The following CTIF variants were observed in gnomAD, a reference collection of about 807,000 sequenced individuals.
CTIF encodes CBP80/20-dependent translation initiation factor.
A neutral mutation model predicts 66.0 loss-of-function variants in CTIF; 21 were observed. The observed-to-expected ratio is 0.32, with a 90% confidence interval of 0.23 to 0.46. CTIF has a LOEUF of 0.46. Ranked by LOEUF, CTIF falls within the 20% of genes least tolerant of loss-of-function variation. The pLI is 1.00. For missense variants in CTIF, 739 were observed against 812.7 expected (o/e 0.91, Z 1.10); for synonymous variants, 345 against 326.4 (o/e 1.06, Z -0.62).
chr18:48,751,363 C>A lies in CTIF; in HGVS notation c.585-6556C>A, dbSNP rs533675028. On this transcript the variant is annotated intron_variant, in intron 7 of 11. Transcript: ENST00000256413. ...ATAGGCCTGTGCTGCTCTCTGCTTCCTTTCCTTCGTGATTCTTGTCCTGGG... is the reference window on the plus strand; with the variant it reads ...ATAGGCCTGTGCTGCTCTCTGCTTCATTTCCTTCGTGATTCTTGTCCTGGG... 5.3e-5 allele frequency among the ~76,000 whole-genome samples: 8 copies of A among 152,328 alleles called. No individual in the cohort carries two copies. In the South Asian group the frequency reaches 1.7e-3, roughly 32 times the overall value.
intron 10 of CTIF, among the ~76,000 whole-genome samples, chr18:48,851,355 AGGCTGTG>A (rs1279717861): frequency 1.3e-5 from 2 of 152,214 alleles, no homozygotes; most frequent in African/African-American, 4.8e-5. Flanking sequence ...GAAGGCACGC[AGGCTGTG>A]GGCTGCAGAA....
At chr18:48,607,235 G>A (rs1289094825) in intron 1 of CTIF, among the ~76,000 whole-genome samples, 1 of 152,186 alleles carries the variant, frequency 6.6e-6, no homozygotes. Context: ...TTTTGCTGCC[G>A]ATTTCTTTGC....
At chr18:48,685,503 A>G (rs570933068) in intron 6 of CTIF, among the ~76,000 whole-genome samples, 1 of 152,262 alleles carries the variant, frequency 6.6e-6, no homozygotes, top group Non-Finnish European at 1.5e-5. Context: ...CATTACAGGC[A>G]TGAGCCACCA....
intron 10 of CTIF, among the ~76,000 whole-genome samples, chr18:48,856,180 G>T (rs1310150943): frequency 2.0e-5 from 3 of 152,246 alleles, no homozygotes; most frequent in Admixed American, 2.0e-4. Flanking sequence ...CGCCCAGAGA[G>T]GGTTTCAGGC....
chr18:48,562,801 C>T (rs1339790746), intron 1 of CTIF, among the ~76,000 whole-genome samples: 1 of 152,158 alleles, frequency 6.6e-6, no homozygotes, highest in Non-Finnish European at 1.5e-5. Flanking sequence ...CATTTCAAAA[C>T]CGTAACTGAA....
intron 3 of CTIF, among the ~76,000 whole-genome samples, chr18:48,656,332 A>T (rs548733147): frequency 6.6e-6 from 1 of 152,224 alleles, no homozygotes; most frequent in Non-Finnish European, 1.5e-5. Flanking sequence ...AACTGGCTCC[A>T]TGAACATTGG....
intron 6 of CTIF, among the ~76,000 whole-genome samples, chr18:48,707,685 A>G (rs1030688284): frequency 6.6e-6 from 1 of 150,590 alleles, no homozygotes; most frequent in Admixed American, 6.6e-5. Flanking sequence ...GGAATACACC[A>G]CCCCCAGATA....
chr18:48,859,658 A>G lies in CTIF; in HGVS notation c.*99A>G, dbSNP rs1444461303. The G allele has an allele frequency of 4.4e-6, 5 of 1,141,990 alleles. No homozygotes were observed. Among genetic ancestry groups the G allele is most frequent in the African/African-American group, 3.1e-5 (2 of 65,362 alleles). 70.7% of individuals were successfully genotyped at this position (1,141,990 alleles called of 1,614,324 possible). On this transcript the variant is annotated 3_prime_UTR_variant, in exon 12 of 12. Coordinates refer to ENST00000256413, the MANE Select transcript of CTIF (RefSeq NM_014772.3). ...GGACAGGGGTGGCCCTGGCGGGAGA[A>G]AGAAATGGGGAGGAGGGCAGGCAGA... is the stretch of plus-strand genomic sequence containing the variant.
chr18:48,637,710 G>A (rs1281540910), intron 3 of CTIF, among the ~76,000 whole-genome samples: 1 of 152,216 alleles, frequency 6.6e-6, no homozygotes, highest in Non-Finnish European at 1.5e-5. Flanking sequence ...GCCCCATGGT[G>A]TGGAGGGACG....
intron 2 of CTIF, among the ~76,000 whole-genome samples, chr18:48,628,596 A>C (rs2090644929): frequency 6.6e-6 from 1 of 152,054 alleles, no homozygotes; most frequent in African/African-American, 2.4e-5. Flanking sequence ...CCATCCACTT[A>C]TCCTCTCTGC....
chr18:48,768,792 C>T (rs1909828048), intron 9 of CTIF, among the ~76,000 whole-genome samples: 1 of 152,118 alleles, frequency 6.6e-6, no homozygotes, highest in Non-Finnish European at 1.5e-5. Flanking sequence ...GAAGCCCCAG[C>T]TACTCCAGAG....
chr18:48,815,652 AC>A (rs1388312193), intron 9 of CTIF, among the ~76,000 whole-genome samples: 3 of 152,216 alleles, frequency 2.0e-5, no homozygotes, highest in Non-Finnish European at 4.4e-5. Context: ...CTGACCTGCC[AC>A]CTGAGGAGAC....
At chr18:48,701,846 G>A (rs1461290700) in intron 6 of CTIF, among the ~76,000 whole-genome samples, 1 of 152,184 alleles carries the variant, frequency 6.6e-6, no homozygotes, top group Non-Finnish European at 1.5e-5. Context: ...GGCCATGTCT[G>A]CTTTCCATGA....
In CTIF at chr18:48,746,941, G is replaced by A. The variant is rs377597553; in HGVS notation, c.585-10978G>A. 3.9e-5 allele frequency among the ~76,000 whole-genome samples: 6 copies of A among 151,994 alleles called. No homozygotes were observed. The East Asian group carries it at 1.2e-3, about 29-fold the overall frequency. On this transcript the variant is annotated intron_variant, in intron 7 of 11. Transcript: ENST00000256413. Reference sequence around the variant, plus strand: ...AGGAAGCCCTCCCTAACCTCACCCCGAGAACTCACCAGACCCCATGTCTCG... The same window carrying A: ...AGGAAGCCCTCCCTAACCTCACCCCAAGAACTCACCAGACCCCATGTCTCG...
intron 3 of CTIF, among the ~76,000 whole-genome samples, chr18:48,656,579 C>T (rs549795180): frequency 7.2e-5 from 11 of 152,316 alleles, no homozygotes; most frequent in African/African-American, 2.6e-4. Flanking sequence ...TCCCTTCCCA[C>T]AAGCAAGCTG....
Position 48,772,218 on chromosome 18 carries a change from C to A in CTIF, c.1371+10529C>A, listed in dbSNP as rs528104721. Among the ~76,000 whole-genome samples, 8 of 152,320 alleles carry A rather than the reference C, an allele frequency of 5.3e-5. No homozygotes were observed. In the East Asian group the frequency reaches 1.5e-3, roughly 29 times the overall value. Reference sequence around the variant, plus strand: ...CCCCAGTATTATAGCAAGAAGAGAGCTAAACCTAGCGGGAGGGAGTGGCCA... The same window carrying A: ...CCCCAGTATTATAGCAAGAAGAGAGATAAACCTAGCGGGAGGGAGTGGCCA... On this transcript the variant is annotated intron_variant, in intron 9 of 11. Coordinates refer to ENST00000256413, the MANE Select transcript of CTIF (RefSeq NM_014772.3).
intron 8 of CTIF, among the ~76,000 whole-genome samples, chr18:48,758,774 A>G (rs4939560): frequency 0.67 from 101,826 of 152,054 alleles, 34,147 homozygotes; most frequent in East Asian, 0.78. Flanking sequence ...GCTGAAGAGC[A>G]CTTGGGGAAA....
intron 3 of CTIF, among the ~76,000 whole-genome samples, chr18:48,639,485 G>C (rs959699586): frequency 6.6e-6 from 1 of 152,156 alleles, no homozygotes; most frequent in African/African-American, 2.4e-5. Context: ...GAGGAGGTGA[G>C]GGGGAGTTGC....
chr18:48,641,642 AG>A (rs563721008), intron 3 of CTIF, among the ~76,000 whole-genome samples: 1 of 152,384 alleles, frequency 6.6e-6, no homozygotes, highest in South Asian at 2.1e-4. Context: ...CAGGAGAACC[AG>A]ATGTTGACCC....
Sources: allele counts gnomAD v4.1 joint callset (sites outside exome capture counted in the v4.1 genomes callset), GRCh38; gene constraint gnomAD v4.1.1; transcripts MANE v1.5; gene names NCBI Gene and HGNC (gene_info 2026-07-23, HGNC 2026-07-21).